The following MLLT10 variants were observed in gnomAD, a reference collection of about 807,000 sequenced individuals.
The protein encoded by MLLT10 is MLLT10 histone lysine methyltransferase DOT1L cofactor.
A neutral mutation model predicts 129.1 loss-of-function variants in MLLT10; 30 were observed. The ratio of observed to expected loss-of-function variants is 0.23; its 90% confidence interval spans 0.17 to 0.32. MLLT10 has a LOEUF of 0.32. Among genes scored for constraint, MLLT10 ranks in the 10% least tolerant of loss-of-function variants. The pLI, the probability that MLLT10 is intolerant of heterozygous loss-of-function variation, is 1.00. For synonymous variants in MLLT10, 490 were observed against 446.4 expected (o/e 1.10, Z -1.23); for missense variants, 1,119 against 1,268.3 (o/e 0.88, Z 1.79).
At chr10:21,717,701 T>TTCCTCCTCCTCC (rs1431213350) in intron 14 of MLLT10, among the ~76,000 whole-genome samples, 2 of 23,394 alleles carry the variant, frequency 8.5e-5, no homozygotes, top group African/African-American at 4.2e-4. Flanking sequence ...CCTCCTCCTC[T>TTCCTCCTCCTCC]TCCTCCTCCT....
At chr10:21,548,296 T>G (rs2036430602) in intron 3 of MLLT10, among the ~76,000 whole-genome samples, 1 of 152,148 alleles carries the variant, frequency 6.6e-6, no homozygotes. Context: ...TTTCTTTTCC[T>G]AGAACTGTTA....
chr10:21,683,804 T>G (rs1003720285), intron 13 of MLLT10, among the ~76,000 whole-genome samples: 1 of 151,718 alleles, frequency 6.6e-6, no homozygotes, highest in Non-Finnish European at 1.5e-5. Flanking sequence ...TGGAGTGCAG[T>G]GGCGTGATAT....
chr10:21,733,552 A>G lies in MLLT10; in HGVS notation c.2456A>G (p.Asn819Ser). ...AGCAGTAAGAGCCCTCATATAGGAA[A>G]CAGCTTTTTACCTGATAATTCTCTT... ...LNSSKSPHIG[N>S]SFLPDNSLPV... Residue 819 changes from asparagine to serine, a missense_variant, in exon 19 of 23, where the codon AAC (asparagine) becomes AGC (serine). Asn to Ser is a conservative substitution (Grantham distance 46). Around this residue, in one of 5 missense-constraint regions of MLLT10, gnomAD observed 1,004 missense variants for 1,008.7 expected, o/e 1.00. Transcript: ENST00000307729. 1.9e-6 allele frequency: 3 copies of G among 1,576,534 alleles called. No homozygotes were observed. Among genetic ancestry groups the G allele is most frequent in the African/African-American group, 2.7e-5 (2 of 73,158 alleles).
chr10:21,551,901 T>TC (rs1427310374), intron 3 of MLLT10: 7 of 335,420 alleles, frequency 2.1e-5, no homozygotes, highest in Non-Finnish European at 3.5e-5. Context: ...TTCAAGCGAT[T>TC]CTCCTGCCTC....
At chr10:21,535,963 G>T (rs1564358793) in intron 2 of MLLT10, among the ~76,000 whole-genome samples, 2 of 152,166 alleles carry the variant, frequency 1.3e-5, no homozygotes, top group Non-Finnish European at 2.9e-5. Flanking sequence ...TGTTGAGACG[G>T]AGTCTTGCTC....
intron 3 of MLLT10, among the ~76,000 whole-genome samples, chr10:21,540,785 G>C (rs2035010962): frequency 6.6e-6 from 1 of 152,170 alleles, no homozygotes; most frequent in Non-Finnish European, 1.5e-5. Context: ...ACTGAAGGTA[G>C]AGAACAAACA....
At chr10:21,588,901 G>T (rs1033985078) in intron 4 of MLLT10, among the ~76,000 whole-genome samples, 1 of 149,070 alleles carries the variant, frequency 6.7e-6, no homozygotes, top group Non-Finnish European at 1.5e-5. Flanking sequence ...TTGGCTCACC[G>T]CAGCCTCTGC....
chr10:21,702,529 A>AG (rs1051670796), intron 13 of MLLT10, among the ~76,000 whole-genome samples: 1 of 152,186 alleles, frequency 6.6e-6, no homozygotes, highest in African/African-American at 2.4e-5. Flanking sequence ...GGGTTGTTGA[A>AG]GTCTCTCACT....
At chr10:21,664,149 GTTAT>G (rs935853961) in intron 9 of MLLT10, among the ~76,000 whole-genome samples, 1 of 152,034 alleles carries the variant, frequency 6.6e-6, no homozygotes, top group Non-Finnish European at 1.5e-5. Context: ...TTAAAAGTGT[GTTAT>G]TTAGTTTAGA....
intron 13 of MLLT10, among the ~76,000 whole-genome samples, chr10:21,705,429 C>A (rs1045185987): frequency 6.6e-6 from 1 of 152,088 alleles, no homozygotes; most frequent in African/African-American, 2.4e-5. Flanking sequence ...TCCTCAGGCC[C>A]CCTGATGGTA....
chr10:21,563,953 C>T (rs1270712186), intron 3 of MLLT10, among the ~76,000 whole-genome samples: 2 of 151,922 alleles, frequency 1.3e-5, no homozygotes, highest in Admixed American at 6.6e-5. Context: ...GCTGGGACTA[C>T]AGGCTCCTGC....
At chr10:21,673,328 T>TC in intron 10 of MLLT10, 22 bp from the exon 11 acceptor site, 1 of 1,047,084 alleles carries the variant, frequency 9.6e-7, no homozygotes, top group East Asian at 3.1e-5. Context: ...CTTTTTTTTT[T>TC]TTTTTTTTTT....
intron 18 of MLLT10, 59 bp downstream of exon 18, chr10:21,733,146 A>G: frequency 6.8e-7 from 1 of 1,473,682 alleles, no homozygotes; most frequent in Admixed American, 2.2e-5. Context: ...TTTTATTTGT[A>G]TTATAAGTGA....
intron 8 of MLLT10, among the ~76,000 whole-genome samples, chr10:21,636,476 A>G (rs1344938822): frequency 2.0e-5 from 3 of 152,100 alleles, no homozygotes; most frequent in East Asian, 3.9e-4. Context: ...GTCTTTATAT[A>G]TGTATATGTC....
At chr10:21,656,820 A>C (rs1239930075) in intron 9 of MLLT10, among the ~76,000 whole-genome samples, 1 of 152,160 alleles carries the variant, frequency 6.6e-6, no homozygotes, top group East Asian at 1.9e-4. Context: ...TATCAGAGGG[A>C]GTAAAAGTGT....
intron 13 of MLLT10, among the ~76,000 whole-genome samples, chr10:21,698,143 C>T (rs961108869): frequency 3.9e-5 from 6 of 152,168 alleles, no homozygotes; most frequent in Non-Finnish European, 7.4e-5. Flanking sequence ...AGCCTTCTGT[C>T]GAACATTAAA....
chr10:21,534,569 C>A, intron 1 of MLLT10, 49 bp downstream of exon 1: 1 of 1,437,922 alleles, frequency 7.0e-7, no homozygotes, highest in Non-Finnish European at 9.3e-7. Context: ...CCGGGGCGGG[C>A]TCGGGGGGCT....
At chr10:21,720,562 A>G (rs1236549566) in intron 14 of MLLT10, among the ~76,000 whole-genome samples, 1 of 152,226 alleles carries the variant, frequency 6.6e-6, no homozygotes, top group African/African-American at 2.4e-5. Flanking sequence ...CCCAAATTCA[A>G]ACAATAATAT....
rs754389539 is a variant in MLLT10 at position 21,579,934 on chromosome 10, T to C, written c.241-6360T>C. Among the ~76,000 whole-genome samples, 9 of 152,266 alleles carry C rather than the reference T, an allele frequency of 5.9e-5. No homozygotes were observed. In the South Asian group the frequency reaches 1.7e-3, roughly 28 times the overall value. On this transcript the variant is annotated intron_variant, in intron 3 of 22. Transcript: ENST00000307729. ...TTTTGTCATCTCAGATTTGTTGTTA[T>C]GAAGCTTGCCTAGTGAAATTTTTAC...
Sources: gnomAD v4.1 joint callset for allele counts (sites outside exome capture counted in the v4.1 genomes callset) on GRCh38, gnomAD v4.1.1 for gene constraint, gnomAD v4.1.1 regional missense constraint, MANE v1.5 for transcripts, NCBI Gene and HGNC (gene_info 2026-07-23, HGNC 2026-07-21) for gene names.